The following NF1 variants were observed in gnomAD, a reference collection of about 807,000 sequenced individuals.
The protein encoded by NF1 is neurofibromin.
In NF1, 122 loss-of-function variants were observed where a neutral mutation model predicts 325.7. That is an observed-to-expected ratio of 0.37 (90% CI 0.32 to 0.44). The LOEUF (loss-of-function observed/expected upper bound fraction) is 0.44, where lower values mean the gene tolerates loss of function less well. NF1 is among the 20% of genes least tolerant of loss of function. NF1 has a pLI of 1.00. For synonymous variants in NF1, 1,091 were observed against 1,186.0 expected, an observed-to-expected ratio of 0.92 and a Z score of 1.65; for missense variants, 2,140 against 3,415.4, an observed-to-expected ratio of 0.63 and a Z score of 9.31.
rs139805193 is a variant in NF1, at chr17:31,282,684, C to T, written c.4835+17345C>T. ...ATCCATGTTGTAGCATGTATCAGAA[C>T]TTTATCCCTTTTTATAGCTGAATAA... On this transcript the variant is annotated intron_variant, in intron 36 of 57. Transcript: ENST00000358273. 4.7e-3 allele frequency among the ~76,000 whole-genome samples: 709 copies of T among 152,236 alleles called. 6 individuals are homozygous for T. The highest frequency in any genetic ancestry group is 7.5e-3 in the Non-Finnish European group (507 of 68,020).
chr17:31,125,056 T>G (rs373426809), intron 1 of NF1, among the ~76,000 whole-genome samples: 1 of 152,206 alleles, frequency 6.6e-6, no homozygotes. Context: ...AACACCTCTA[T>G]GGCCCAAATC....
intron 36 of NF1, among the ~76,000 whole-genome samples, chr17:31,324,328 A>G (rs1297223379): frequency 6.6e-6 from 1 of 152,184 alleles, no homozygotes; most frequent in Middle Eastern, 3.4e-3. Flanking sequence ...TGGCCTCCCA[A>G]AGTGCTGGGA....
At chr17:31,200,896 C>T (rs1374970265) in intron 9 of NF1, 141 bp from the exon 10 acceptor site, 6 of 1,171,556 alleles carry the variant, frequency 5.1e-6, no homozygotes, top group African/African-American at 1.5e-5. Context: ...TGATGAACCA[C>T]AGTATGGGTG....
intron 36 of NF1, among the ~76,000 whole-genome samples, chr17:31,322,979 C>T (rs1309065885): frequency 6.6e-6 from 1 of 152,222 alleles, no homozygotes; most frequent in Non-Finnish European, 1.5e-5. Context: ...TTGTATACAT[C>T]ACTGTCTTTG....
At chr17:31,145,075 A>G (rs1916495021) in intron 1 of NF1, among the ~76,000 whole-genome samples, 1 of 152,192 alleles carries the variant, frequency 6.6e-6, no homozygotes, top group Non-Finnish European at 1.5e-5. Flanking sequence ...CTTTGGGTTA[A>G]CCACATTGGC....
chr17:31,307,636 AAT>A (rs1177204178), intron 36 of NF1, among the ~76,000 whole-genome samples: 5 of 152,170 alleles, frequency 3.3e-5, no homozygotes, highest in Non-Finnish European at 5.9e-5. Context: ...TCCTGTTCTC[AAT>A]TGCCTTTCCT....
At chr17:31,316,634 C>T (rs1284974783) in intron 36 of NF1, among the ~76,000 whole-genome samples, 1 of 152,106 alleles carries the variant, frequency 6.6e-6, no homozygotes, top group South Asian at 2.1e-4. Flanking sequence ...AATTTTTGCA[C>T]AGAATGGGAA....
chr17:31,221,781 C>T (rs1814902145), intron 14 of NF1, 69 bp from the exon 15 acceptor site: 2 of 1,012,068 alleles, frequency 2.0e-6, no homozygotes, highest in African/African-American at 1.6e-5. Flanking sequence ...ATAAGTACTC[C>T]AGTGTTATGT....
chr17:31,142,030 G>A (rs978792397), intron 1 of NF1, among the ~76,000 whole-genome samples: 2 of 152,178 alleles, frequency 1.3e-5, no homozygotes, highest in Non-Finnish European at 2.9e-5. Flanking sequence ...TAGAAAATGA[G>A]TAGAATGTAC....
At chr17:31,296,300 CAGAG>C in intron 36 of NF1, 1 of 1,613,882 alleles carries the variant, frequency 6.2e-7, no homozygotes, top group Non-Finnish European at 8.5e-7. Flanking sequence ...GATGAACAGG[CAGAG>C]AGACATTTTC....
intron 3 of NF1, among the ~76,000 whole-genome samples, chr17:31,162,216 C>T (rs1358473838): frequency 1.3e-5 from 2 of 151,948 alleles, no homozygotes; most frequent in Admixed American, 6.6e-5. Context: ...GTGGCTCACG[C>T]CTGTAATCCC....
intron 1 of NF1, among the ~76,000 whole-genome samples, chr17:31,129,016 G>A (rs1401941900): frequency 2.0e-5 from 3 of 151,806 alleles, no homozygotes; most frequent in Non-Finnish European, 4.4e-5. Context: ...AGTCTGATGG[G>A]CTTTCCTTTA....
chr17:31,151,451 A>G (rs1417300166), intron 1 of NF1, among the ~76,000 whole-genome samples: 1 of 152,208 alleles, frequency 6.6e-6, no homozygotes, highest in African/African-American at 2.4e-5. Context: ...TCCTCCAGGA[A>G]AAGGAAAAGG....
At chr17:31,130,951 C>T (rs1253740021) in intron 1 of NF1, among the ~76,000 whole-genome samples, 2 of 152,260 alleles carry the variant, frequency 1.3e-5, no homozygotes, top group African/African-American at 4.8e-5. Context: ...CTGTCAGCAC[C>T]TTGTCAGTGC....
intron 2 of NF1, 23 bp from the exon 3 acceptor site, chr17:31,158,987 G>A (rs762215489): frequency 7.0e-7 from 1 of 1,432,338 alleles, no homozygotes; most frequent in South Asian, 1.1e-5. Context: ...TAACTTTTAT[G>A]TTCTGAATAT....
At chr17:31,366,803 A>G (rs2070532020) in intron 57 of NF1, among the ~76,000 whole-genome samples, 1 of 152,226 alleles carries the variant, frequency 6.6e-6, no homozygotes, top group Non-Finnish European at 1.5e-5. Context: ...GATCTCTGAA[A>G]TGATTTTAAT....
intron 13 of NF1, among the ~76,000 whole-genome samples, chr17:31,216,943 G>T (rs1057114213): frequency 6.6e-6 from 1 of 152,128 alleles, no homozygotes; most frequent in Non-Finnish European, 1.5e-5. Flanking sequence ...CACTAAGGAA[G>T]CCTCCCTGAG....
chr17:31,234,048 A>C (rs1189100287), intron 27 of NF1, among the ~76,000 whole-genome samples: 3 of 152,280 alleles, frequency 2.0e-5, no homozygotes, highest in South Asian at 2.1e-4. Flanking sequence ...TCTGCTTTAG[A>C]GCACCCTTGC....
At chr17:31,350,074 C>A in intron 49 of NF1, 109 bp from the exon 50 acceptor site, 3 of 1,120,152 alleles carry the variant, frequency 2.7e-6, no homozygotes, top group Admixed American at 1.7e-5. Context: ...AAAATATGTG[C>A]ACATTTAACA....
Sources: gnomAD v4.1 joint callset for allele counts (sites outside exome capture counted in the v4.1 genomes callset) on GRCh38, gnomAD v4.1.1 for gene constraint, MANE v1.5 for transcripts, NCBI Gene and HGNC (gene_info 2026-07-23, HGNC 2026-07-21) for gene names.